The following ARSK variants were observed in gnomAD, a reference collection of about 807,000 sequenced individuals.
The protein encoded by ARSK is arylsulfatase K.
Under a neutral mutation model 53.2 loss-of-function variants are expected in ARSK, and 37 were observed. The observed-to-expected ratio is 0.70, with a 90% CI of 0.54 to 0.92. ARSK has a LOEUF of 0.92. ARSK is among the 40% of genes least tolerant of loss of function. The pLI, the probability that ARSK is intolerant of heterozygous loss-of-function variation, is 0.00. For synonymous variants in ARSK, 208 were observed against 223.2 expected, an observed-to-expected ratio of 0.93 and a Z score of 0.61; for missense variants, 613 against 643.0, an observed-to-expected ratio of 0.95 and a Z score of 0.51.
chr5:95,562,759 A>G (rs961076100), intron 1 of ARSK, among the ~76,000 whole-genome samples: 4 of 152,246 alleles, frequency 2.6e-5, no homozygotes, highest in Non-Finnish European at 5.9e-5. Flanking sequence ...AAGCCAATTA[A>G]TGGGTCATTT....
intron 6 of ARSK, among the ~76,000 whole-genome samples, chr5:95,594,780 C>A (rs1749276220): frequency 6.6e-6 from 1 of 151,154 alleles, no homozygotes. Context: ...GCGGAGCTTG[C>A]AATGAGCCAA....
intron 6 of ARSK, among the ~76,000 whole-genome samples, chr5:95,599,222 C>A (rs1302001459): frequency 6.6e-6 from 1 of 152,180 alleles, no homozygotes. Context: ...TTCTCATAAA[C>A]ACAGGAGAAA....
At chr5:95,591,013 G>A (rs946543230) in intron 5 of ARSK, among the ~76,000 whole-genome samples, 1 of 152,130 alleles carries the variant, frequency 6.6e-6, no homozygotes, top group Non-Finnish European at 1.5e-5. Context: ...GTGGGTCAGA[G>A]GTGATACCAA....
chr5:95,585,731 G>A (rs1442891902), intron 4 of ARSK, among the ~76,000 whole-genome samples: 1 of 152,118 alleles, frequency 6.6e-6, no homozygotes, highest in Admixed American at 6.6e-5. Context: ...CTGCTTGGGT[G>A]ATGAGTGCAC....
chr5:95,573,969 AT>A (rs971999557), intron 3 of ARSK, among the ~76,000 whole-genome samples: 70 of 150,608 alleles, frequency 4.6e-4, no homozygotes, highest in African/African-American at 1.5e-3. Flanking sequence ...TATCCTTTCC[AT>A]TTTTTTTTCT....
In ARSK at chr5:95,555,372, C is replaced by T. The variant is rs1748471082; in HGVS notation, c.94C>T (p.Pro32Ser). 1 of 1,610,680 alleles carries T rather than the reference C, an allele frequency of 6.2e-7. No individual in the cohort carries two copies. Residue 32 changes from proline to serine, a missense_variant, in exon 1 of 8, where the codon CCC (proline) becomes TCC (serine). Coordinates refer to ENST00000380009, the MANE Select transcript of ARSK (RefSeq NM_198150.3). The surrounding 1 kb of genome is among the most constrained non-coding windows in gnomAD (Gnocchi z 4.0). ...GEQRRRAAKA[P>S]NVVLVVSDSF... ...GCAGAGGCGGAGAGCAGCCAAAGCG[C>T]CCAATGTGGTGCTGGTCGTGAGCGA...
intron 6 of ARSK, among the ~76,000 whole-genome samples, chr5:95,596,596 A>G (rs961783386): frequency 1.3e-5 from 2 of 152,142 alleles, no homozygotes; most frequent in African/African-American, 2.4e-5. Context: ...CACTTCTTGT[A>G]TCAAAAAATA....
chr5:95,580,257 G>A (rs1158892462), intron 3 of ARSK, among the ~76,000 whole-genome samples: 1 of 152,068 alleles, frequency 6.6e-6, no homozygotes, highest in African/African-American at 2.4e-5. Context: ...TAAAAAAATT[G>A]GTTCAAAATA....
intron 7 of ARSK, among the ~76,000 whole-genome samples, chr5:95,602,593 C>G (rs1272673093): frequency 6.6e-6 from 1 of 152,128 alleles, no homozygotes; most frequent in Non-Finnish European, 1.5e-5. Context: ...TGCTGTTCTT[C>G]CAGTTAGATT....
At chr5:95,567,823 T>C (rs73777227) in intron 2 of ARSK, 67 bp from the exon 3 acceptor site, 158,265 of 1,467,556 alleles carry the variant, frequency 0.11, 10,649 homozygotes, top group African/African-American at 0.3. Flanking sequence ...TCTCTCAGAG[T>C]AATTGTCCTA....
Position 95,568,904 on chromosome 5 carries a change from T to C in ARSK, c.416+855T>C, listed in dbSNP as rs78148825. On this transcript the variant is annotated intron_variant, in intron 3 of 7. Transcript: ENST00000380009. Reference sequence around the variant, plus strand: ...TAATCAGCACCCCCGCCTAAAAAACTTGGGTACTGATTCTCTAATGAGCAG... The same window carrying C: ...TAATCAGCACCCCCGCCTAAAAAACCTGGGTACTGATTCTCTAATGAGCAG... Among the ~76,000 whole-genome samples, 9 of 152,244 alleles carry C rather than the reference T, an allele frequency of 5.9e-5. No homozygotes were observed. The East Asian group carries it at 1.7e-3, about 29-fold the overall frequency.
rs878984489 is a variant in ARSK at position 95,604,331 on chromosome 5, G to A, written c.*805G>A. 1 of 152,110 alleles carries A rather than the reference G, an allele frequency of 6.6e-6. No individual in the cohort carries two copies. Among genetic ancestry groups the A allele is most frequent in the African/African-American group, 2.4e-5 (1 of 41,422 alleles). The allele number at this position is 152,110 out of a possible 1,614,324, so 9.4% of individuals were successfully genotyped here. A position where few individuals can be genotyped will look rare whatever the true frequency, so the allele number is the denominator to read the frequency against. ...ATATACAGGGTAAAAGCTTCAAATGGTACAAAAGGGTTAACAGTGATCGTG... is the reference window on the plus strand; with the variant it reads ...ATATACAGGGTAAAAGCTTCAAATGATACAAAAGGGTTAACAGTGATCGTG... On this transcript the variant is annotated 3_prime_UTR_variant, in exon 8 of 8. Transcript: ENST00000380009.
At chr5:95,598,999 T>C (rs1156675445) in intron 6 of ARSK, among the ~76,000 whole-genome samples, 1 of 152,112 alleles carries the variant, frequency 6.6e-6, no homozygotes, top group Non-Finnish European at 1.5e-5. Flanking sequence ...CTGCCATCAC[T>C]CTCTATCTCC....
rs1749444397 is a variant in ARSK at position 95,603,449 on chromosome 5, T to A, written c.1534T>A (p.Trp512Arg). The change falls in exon 8 of 8, where the codon TGG becomes AGG. Residue 512 changes from tryptophan (W) to arginine (R), a missense_variant. Coordinates refer to ENST00000380009, the MANE Select transcript of ARSK (RefSeq NM_198150.3). ...VIANLRWHQD[W>R]QKEPRKYENA... The stretch of plus-strand genomic sequence containing the variant: ...AGCAAATCTTAGGTGGCACCAAGAC[T>A]GGCAGAAGGAACCAAGGAAGTATGA... 6.2e-7 allele frequency: 1 copy of A among 1,613,656 alleles called. No individual in the cohort carries two copies. The highest frequency in any genetic ancestry group is 1.3e-5 in the African/African-American group (1 of 74,920).
chr5:95,568,148 G>T (rs1580217235), intron 3 of ARSK, 99 bp downstream of exon 3: 1 of 1,294,200 alleles, frequency 7.7e-7, no homozygotes, highest in East Asian at 2.5e-5. Flanking sequence ...CCACAAAGGT[G>T]AAAGTAAATC....
At chr5:95,577,625 G>A (rs978714962) in intron 3 of ARSK, among the ~76,000 whole-genome samples, 6 of 152,160 alleles carry the variant, frequency 3.9e-5, no homozygotes, top group Admixed American at 2.6e-4. Context: ...AGTCATCTAG[G>A]AATTCAAAGT....
chr5:95,555,386 G>A lies in ARSK; in HGVS notation c.108G>A (p.Leu36=), dbSNP rs1748471616. 1 of 1,607,854 alleles carries A rather than the reference G, an allele frequency of 6.2e-7. No homozygotes were observed. The highest frequency in any genetic ancestry group is 1.3e-5 in the African/African-American group (1 of 74,864). Residue 36 remains leucine (L), a synonymous_variant, in exon 1 of 8, where the codon CTG becomes CTA. Coordinates refer to ENST00000380009, the MANE Select transcript of ARSK (RefSeq NM_198150.3). The surrounding 1 kb of genome is among the most constrained non-coding windows in gnomAD (Gnocchi z 4.0). ...CAGCCAAAGCGCCCAATGTGGTGCT[G>A]GTCGTGAGCGACTCCTTCGTAAGTA... ...RRAAKAPNVV[L]VVSDSFDGRL...
At position 95,603,217 on chromosome 5, in the gene ARSK, A is replaced by G; in HGVS notation, c.1322-20A>G. 6.6e-7 allele frequency: 1 copy of G among 1,522,800 alleles called. No individual in the cohort carries two copies. Among genetic ancestry groups the G allele is most frequent in the Non-Finnish European group, 8.8e-7 (1 of 1,138,152 alleles). 94.3% of individuals were successfully genotyped at this position (1,522,800 alleles called of 1,614,324 possible). A position where few individuals can be genotyped will look rare whatever the true frequency, so the allele number is the denominator to read the frequency against. On this transcript the variant is annotated intron_variant, in intron 7 of 7. Transcript: ENST00000380009. The stretch of plus-strand genomic sequence containing the variant: ...TTAGCAGGTCACTATTTTGACAGAT[A>G]CTTATTTTTTTTCTTTCAGATCTTT...
intron 3 of ARSK, among the ~76,000 whole-genome samples, chr5:95,568,779 T>G (rs1272174575): frequency 6.6e-6 from 1 of 152,166 alleles, no homozygotes. Flanking sequence ...AGTGGCCTAT[T>G]GTGTGCCTGG....
Sources: gnomAD v4.1 joint callset for allele counts (sites outside exome capture counted in the v4.1 genomes callset) on GRCh38, gnomAD v4.1.1 for gene constraint, Gnocchi (gnomAD v3.1) non-coding constraint, MANE v1.5 for transcripts, NCBI Gene and HGNC (gene_info 2026-07-23, HGNC 2026-07-21) for gene names.